CEP170B: variants seen among roughly 807,000 people sequenced by gnomAD.
The protein encoded by CEP170B is centrosomal protein of 170 kDa protein B.
In CEP170B, 55 loss-of-function variants were observed where a neutral mutation model predicts 120.6. The observed-to-expected ratio is 0.46, with a 90% confidence interval of 0.37 to 0.57. The LOEUF is 0.57. Ranked by LOEUF, CEP170B falls within the 20% of genes least tolerant of loss-of-function variation. The pLI is 0.00. For synonymous variants in CEP170B, 1,033 were observed against 954.5 expected, an observed-to-expected ratio of 1.08 and a Z score of -1.52; for missense variants, 2,212 against 2,253.3, an observed-to-expected ratio of 0.98 and a Z score of 0.37.
At chr14:104,869,184 G>A (rs1048922797) in intron 2 of CEP170B, among the ~76,000 whole-genome samples, 2 of 152,164 alleles carry the variant, frequency 1.3e-5, no homozygotes, top group African/African-American at 2.4e-5. Flanking sequence ...AAAGAGCAGG[G>A]GTGGTGAGCT....
Position 104,887,147 on chromosome 14 carries a change from G to C in CEP170B, c.2908G>C (p.Gly970Arg), listed in dbSNP as rs774703363. 1 of 1,609,484 alleles carries C rather than the reference G, an allele frequency of 6.2e-7. No individual in the cohort carries two copies. Among genetic ancestry groups the C allele is most frequent in the Non-Finnish European group, 8.5e-7 (1 of 1,179,690 alleles). ...CGTCAGCCTGCGTAGTGGCAAGAGCGGGCCCAGCCCCACAACCCCCCAGCC... is the reference window on the plus strand; with the variant it reads ...CGTCAGCCTGCGTAGTGGCAAGAGCCGGCCCAGCCCCACAACCCCCCAGCC... Reference protein sequence around the residue: ...STVSLRSGKSGPSPTTPQPLR... With the variant: ...STVSLRSGKSRPSPTTPQPLR... Residue 970 changes from glycine (G) to arginine (R), a missense_variant, in exon 12 of 19, where the codon GGG becomes CGG. Gly to Arg is a moderately radical substitution (Grantham distance 125, BLOSUM62 -2). This residue lies in a region of CEP170B where 2,166 missense variants were observed against 2,166.7 expected (regional missense o/e 1.00). Coordinates refer to ENST00000414716, the MANE Select transcript of CEP170B (RefSeq NM_001112726.3).
At position 104,883,866 on chromosome 14, in the gene CEP170B, G is replaced by A; in HGVS notation, c.1087G>A (p.Glu363Lys). The change falls in exon 9 of 19, where the codon GAG (glutamate) becomes AAG (lysine). Residue 363 changes from glutamate (E) to lysine (K), a missense_variant. Physicochemically the swap from Glu to Lys is moderately conservative, Grantham distance 56. Around this residue, in one of 2 missense-constraint regions of CEP170B, gnomAD observed 2,166 missense variants for 2,166.7 expected, o/e 1.00. Coordinates refer to ENST00000414716, the MANE Select transcript of CEP170B (RefSeq NM_001112726.3). ...CGAGGACGGCACGCAGAGTGACTCA[G>A]AGGACCCCCTGGCCAAGGCGGCCTC... ...KHEDGTQSDS[E>K]DPLAKAASAA... 5 of 1,573,212 alleles carry A rather than the reference G, an allele frequency of 3.2e-6. No homozygotes were observed. The highest frequency in any genetic ancestry group is 2.6e-6 in the Non-Finnish European group (3 of 1,160,164).
In CEP170B at chr14:104,894,917, G is replaced by C; in HGVS notation, c.4624G>C (p.Asp1542His). The part of the protein sequence containing the change: ...RASCGPPSLP[D>H]PTFLPDAERF... ...CAGCTGTGGGCCTCCCAGCCTCCCG[G>C]ACCCCACCTTCCTCCCTGATGCCGA... The change falls in exon 19 of 19, where the codon GAC (aspartate) becomes CAC (histidine). Residue 1542 changes from aspartate (D) to histidine (H), a missense_variant. Physicochemically the swap from Asp to His is moderately conservative, Grantham distance 81. This residue lies in a region of CEP170B where 2,166 missense variants were observed against 2,166.7 expected (regional missense o/e 1.00). Transcript: ENST00000414716. 6.3e-7 allele frequency: 1 copy of C among 1,595,430 alleles called. No individual in the cohort carries two copies. The highest frequency in any genetic ancestry group is 8.5e-7 in the Non-Finnish European group (1 of 1,171,474).
rs759396983 is a variant in CEP170B at position 104,886,463 on chromosome 14, T to C, written c.2224T>C (p.Leu742=). Residue 742 remains leucine (L), a synonymous_variant, in exon 12 of 19, where the codon TTG becomes CTG. Transcript: ENST00000414716. ...CAGCCGCCTCTTCGGCCAGGAGGAG[T>C]TGGATCCTGACAGCCTCAGCGATGC... ...QPSRLFGQEE[L]DPDSLSDASG... is the part of the protein sequence containing the mutation. 1 of 1,559,854 alleles carries C rather than the reference T, an allele frequency of 6.4e-7. No homozygotes were observed. The highest frequency in any genetic ancestry group is 8.7e-7 in the Non-Finnish European group (1 of 1,155,322).
rs1017278315 is a variant in CEP170B, at chr14:104,884,343, G to C, written c.1564G>C (p.Val522Leu). The C allele has an allele frequency of 7.8e-6, 12 of 1,544,648 alleles. No individual in the cohort carries two copies. The Admixed American group carries it at 7.9e-5, about 10-fold the overall frequency. ...SPAARPSPEKVPPVLPAPLTP... is the reference protein window; with the variant it reads ...SPAARPSPEKLPPVLPAPLTP... ...GGCCGCCCGGCCCAGCCCCGAGAAG[G>C]TTCCTCCGGTGCTGCCCGCTCCCCT... is the stretch of plus-strand genomic sequence containing the variant. Residue 522 changes from valine to leucine, a missense_variant, in exon 9 of 19, where the codon GTT becomes CTT. Coordinates refer to ENST00000414716, the MANE Select transcript of CEP170B (RefSeq NM_001112726.3).
At chr14:104,883,794 C>G (rs1896293603) in intron 8 of CEP170B, 37 bp from the exon 9 acceptor site, 3 of 1,487,362 alleles carry the variant, frequency 2.0e-6, no homozygotes, top group Non-Finnish European at 2.7e-6. Flanking sequence ...TTTCCTTTCT[C>G]TCGGCCTGAC....
chr14:104,877,757 A>G, intron 3 of CEP170B, 128 bp from the exon 4 acceptor site: 1 of 663,268 alleles, frequency 1.5e-6, no homozygotes, highest in Admixed American at 2.2e-5. Context: ...CGTGGGTTCC[A>G]GAGAGTTGGT....
Position 104,883,193 on chromosome 14 carries a change from G to C in CEP170B, c.736G>C (p.Glu246Gln). Residue 246 changes from glutamate to glutamine, a missense_variant, in exon 8 of 19, where the codon GAG becomes CAG. By Grantham distance (29) the Glu-to-Gln change is conservative. Transcript: ENST00000414716. ...PSQPPEVPAH[E>Q]MPTKDAEAGG... ...GCAGCCCCCCGAGGTGCCGGCACACGAGATGCCCACGAAGGATGCAGAGGC... is the reference window on the plus strand; with the variant it reads ...GCAGCCCCCCGAGGTGCCGGCACACCAGATGCCCACGAAGGATGCAGAGGC... 6.2e-7 allele frequency: 1 copy of C among 1,610,352 alleles called. No individual in the cohort carries two copies. Among genetic ancestry groups the C allele is most frequent in the Non-Finnish European group, 8.5e-7 (1 of 1,179,238 alleles).
chr14:104,880,810 AC>A (rs1393371941), intron 6 of CEP170B, among the ~76,000 whole-genome samples: 1 of 150,132 alleles, frequency 6.7e-6, no homozygotes, highest in Non-Finnish European at 1.5e-5. Flanking sequence ...TATCATGCAC[AC>A]CCATACTGCT....
At chr14:104,878,391 A>G in intron 4 of CEP170B, 52 bp from the exon 5 acceptor site, 1 of 1,583,656 alleles carries the variant, frequency 6.3e-7, no homozygotes, top group East Asian at 2.2e-5. Context: ...CGTGGACTTC[A>G]GCGCTGGGCT....
At chr14:104,890,861 G>A (rs1374939163) in intron 13 of CEP170B, among the ~76,000 whole-genome samples, 4 of 131,342 alleles carry the variant, frequency 3.0e-5, no homozygotes, top group South Asian at 2.8e-4. Flanking sequence ...GAGTGGGTGG[G>A]TGGGTGGATG....
At chr14:104,882,547 C>T (rs1467369065) in intron 6 of CEP170B, among the ~76,000 whole-genome samples, 181 bp from the exon 7 acceptor site, 1 of 152,066 alleles carries the variant, frequency 6.6e-6, no homozygotes, top group East Asian at 1.9e-4. Flanking sequence ...AGTGAGCCAC[C>T]TCGGAACTCA....
intron 2 of CEP170B, among the ~76,000 whole-genome samples, chr14:104,872,197 C>CG (rs1895534561): frequency 8.3e-6 from 1 of 119,872 alleles, no homozygotes; most frequent in Non-Finnish European, 1.7e-5. Flanking sequence ...TGTGTGTGTG[C>CG]CGTGGGTGTG....
rs564746450 is a variant in CEP170B at position 104,887,336 on chromosome 14, C to T, written c.3097C>T (p.Arg1033Cys). 38 of 1,611,276 alleles carry T rather than the reference C, an allele frequency of 2.4e-5. 1 individual carries two copies. In the Admixed American group the frequency reaches 4.2e-4, roughly 18 times the overall value. The change falls in exon 12 of 19, where the codon CGT becomes TGT. Residue 1033 changes from arginine to cysteine, a missense_variant. By Grantham distance (180) the Arg-to-Cys change is radical (BLOSUM62 -3). Coordinates refer to ENST00000414716, the MANE Select transcript of CEP170B (RefSeq NM_001112726.3). ...GEPVRRSAIR[R>C]GHRPRGSLDW... ...GCCGGTACGGCGCTCAGCCATAAGG[C>T]GTGGCCACAGGCCCCGAGGGTCCCT... is the stretch of plus-strand genomic sequence containing the variant.
chr14:104,885,854 C>T (rs1267915519), intron 10 of CEP170B, among the ~76,000 whole-genome samples, 186 bp from the exon 11 acceptor site: 2 of 152,248 alleles, frequency 1.3e-5, no homozygotes, highest in East Asian at 3.9e-4. Context: ...GGAGCAAGTC[C>T]AGGCGAGGCA....
Position 104,872,168 on chromosome 14 carries a change from T to C in CEP170B, c.105+3613T>C, listed in dbSNP as rs934560278. Among the ~76,000 whole-genome samples, 17 of 134,686 alleles carry C rather than the reference T, an allele frequency of 1.3e-4. 1 individual carries two copies. The highest frequency in any genetic ancestry group is 4.0e-4 in the African/African-American group (14 of 35,226). The allele number at this position is 134,686 out of a possible 152,430, so 88.4% of individuals were successfully genotyped here. A position where few individuals can be genotyped will look rare whatever the true frequency, so the allele number is the denominator to read the frequency against. On this transcript the variant is annotated intron_variant, in intron 2 of 18. Transcript: ENST00000414716. ...GCCGTGTGTGTGCGTGTGTGCCGCG[T>C]GTGTGTGCGTGTGTGTGCTGTGTGT... is the stretch of plus-strand genomic sequence containing the variant.
intron 2 of CEP170B, among the ~76,000 whole-genome samples, chr14:104,872,191 TGTGTGCCGTGG>T (rs1895533917): frequency 7.3e-6 from 1 of 137,524 alleles, no homozygotes; most frequent in African/African-American, 2.9e-5. Flanking sequence ...GTGTGCTGTG[TGTGTGCCGTGG>T]GTGTGCGTGT....
intron 16 of CEP170B, 68 bp downstream of exon 16, chr14:104,893,917 C>G: frequency 1.4e-6 from 2 of 1,431,834 alleles, no homozygotes; most frequent in Non-Finnish European, 1.9e-6. Context: ...GAGACTCAGC[C>G]TGGCTGAATC....
chr14:104,877,879 C>T lies in CEP170B; in HGVS notation c.196-6C>T. On this transcript the variant is annotated splice_polypyrimidine_tract_variant and splice_region_variant and intron_variant, in intron 3 of 18. Transcript: ENST00000414716. ...CCCCCCCCCCCCGCCACCTGTTTTC[C>T]TGCAGACGTTTGTGAATGACATGCG... 8.9e-7 allele frequency: 1 copy of T among 1,124,574 alleles called. No homozygotes were observed. The highest frequency in any genetic ancestry group is 2.1e-5 in the Admixed American group (1 of 46,716). 69.7% of individuals were successfully genotyped at this position (1,124,574 alleles called of 1,614,324 possible).
Sources: allele counts gnomAD v4.1 joint callset (sites outside exome capture counted in the v4.1 genomes callset), GRCh38; gene constraint gnomAD v4.1.1; regional missense constraint gnomAD v4.1.1; transcripts MANE v1.5; gene names NCBI Gene and HGNC (gene_info 2026-07-23, HGNC 2026-07-21).